VAV1: variants seen among roughly 807,000 people sequenced by gnomAD.
VAV1 encodes the protein vav guanine nucleotide exchange factor 1.
A neutral mutation model predicts 128.1 loss-of-function variants in VAV1; 33 were observed. The observed-to-expected ratio is 0.26, with a 90% confidence interval of 0.20 to 0.34. VAV1 has a LOEUF of 0.34. Ranked by LOEUF, VAV1 falls within the 10% of genes least tolerant of loss-of-function variation. VAV1 has a pLI of 1.00. For synonymous variants in VAV1, 394 were observed against 409.8 expected, an observed-to-expected ratio of 0.96 and a Z score of 0.47; for missense variants, 715 against 1,093.7, an observed-to-expected ratio of 0.65 and a Z score of 4.88.
chr19:6,829,987 A>G, intron 14 of VAV1, 69 bp downstream of exon 14: 1 of 1,603,878 alleles, frequency 6.2e-7, no homozygotes. Flanking sequence ...CCACTTGGGC[A>G]TGTGCCTGTT....
rs747230801 is a variant in VAV1 at position 6,848,134 on chromosome 19, C to G, written c.2129+20C>G. 6.5e-6 allele frequency: 10 copies of G among 1,533,542 alleles called. No individual in the cohort carries two copies. The allele number at this position is 1,533,542 out of a possible 1,614,324, so 95.0% of individuals were successfully genotyped here. On this transcript the variant is annotated intron_variant, in intron 23 of 26. Transcript: ENST00000602142. Reference sequence around the variant, plus strand: ...CATTAAGTAACTCCTTTCTCCCTGACTCATACCCTTTTGGGGCCTGGGCCC... The same window carrying G: ...CATTAAGTAACTCCTTTCTCCCTGAGTCATACCCTTTTGGGGCCTGGGCCC...
At chr19:6,855,861 TA>T in intron 26 of VAV1, among the ~76,000 whole-genome samples, 1 of 152,266 alleles carries the variant, frequency 6.6e-6, no homozygotes, top group African/African-American at 2.4e-5. Flanking sequence ...ATTATCTATC[TA>T]CCTATCTATC....
At chr19:6,791,245 A>G (rs1971010822) in intron 1 of VAV1, among the ~76,000 whole-genome samples, 1 of 152,040 alleles carries the variant, frequency 6.6e-6, no homozygotes, top group Non-Finnish European at 1.5e-5. Flanking sequence ...ATATCTCCTC[A>G]TCTCGAGGTC....
chr19:6,829,029 T>C (rs1971988879), intron 13 of VAV1, 129 bp downstream of exon 13: 1 of 1,051,956 alleles, frequency 9.5e-7, no homozygotes, highest in Admixed American at 2.3e-5. Context: ...GCCGGGCTTC[T>C]AGATGGACAG....
In VAV1 at chr19:6,840,303, CTT is replaced by C. The variant is rs34882027; in HGVS notation, c.1981-2816_1981-2815del. Among the ~76,000 whole-genome samples the C allele has an allele frequency of 3.3e-3, 412 of 124,070 alleles. 2 individuals carry two copies. The highest frequency in any genetic ancestry group is 5.0e-3 in the South Asian group (19 of 3,824). 81.4% of individuals were successfully genotyped at this position (124,070 alleles called of 152,430 possible). ...TGTGGAATGTGTCAGAATTTTCTTT[CTT>C]TTTTTTTTTTTTTTTGGTGAAATGG... On this transcript the variant is annotated intron_variant, in intron 21 of 26. Coordinates refer to ENST00000602142, the MANE Select transcript of VAV1 (RefSeq NM_005428.4).
chr19:6,828,777 T>C lies in VAV1; in HGVS notation c.1180-38T>C. 4 of 1,613,938 alleles carry C rather than the reference T, an allele frequency of 2.5e-6. No homozygotes were observed. The highest frequency in any genetic ancestry group is 3.4e-6 in the Non-Finnish European group (4 of 1,179,950). On this transcript the variant is annotated intron_variant, in intron 12 of 26. Coordinates refer to ENST00000602142, the MANE Select transcript of VAV1 (RefSeq NM_005428.4). The surrounding 1 kb of genome is among the most constrained non-coding windows in gnomAD (Gnocchi z 4.5). ...GGAGAGTGTGTGTCTGGCTCCTTTC[T>C]TGGGAGACCCTTGCTAGACCCCCTG...
At chr19:6,850,883 G>A (rs2144829304) in intron 24 of VAV1, 126 bp downstream of exon 24, 1 of 794,784 alleles carries the variant, frequency 1.3e-6, no homozygotes. Context: ...TACAGTGCAA[G>A]TGACCTTAAA....
chr19:6,797,762 A>C (rs963215450), intron 1 of VAV1, among the ~76,000 whole-genome samples: 1 of 150,806 alleles, frequency 6.6e-6, no homozygotes, highest in Middle Eastern at 3.5e-3. Context: ...AAAAAAAAAA[A>C]GAGTAGGAGC....
chr19:6,800,637 G>T (rs969313686), intron 1 of VAV1, among the ~76,000 whole-genome samples: 2 of 144,702 alleles, frequency 1.4e-5, no homozygotes, highest in Admixed American at 6.9e-5. Flanking sequence ...TTTGTTTTTT[G>T]TTTTTTTGAG....
chr19:6,802,023 A>G (rs1210473203), intron 1 of VAV1, among the ~76,000 whole-genome samples: 2 of 50,650 alleles, frequency 3.9e-5, no homozygotes, highest in African/African-American at 1.0e-4. Context: ...GCAGGGAGGA[A>G]CCGTCCTCAT....
chr19:6,843,173 A>G lies in VAV1; in HGVS notation c.2012+7A>G, dbSNP rs960259613. 1.2e-5 allele frequency: 19 copies of G among 1,613,980 alleles called. No homozygotes were observed. In the African/African-American group the frequency reaches 2.3e-4, roughly 19 times the overall value. On this transcript the variant is annotated splice_region_variant and intron_variant, in intron 22 of 26. Coordinates refer to ENST00000602142, the MANE Select transcript of VAV1 (RefSeq NM_005428.4). ...ACCTGTCTGTTCATCTCTGGTGAGT[A>G]GAAACATTTATTTTTGTTTCAATGA... is the stretch of plus-strand genomic sequence containing the variant.
At chr19:6,827,082 T>C in intron 9 of VAV1, 1 of 255,580 alleles carries the variant, frequency 3.9e-6, no homozygotes, top group Non-Finnish European at 7.9e-6. Context: ...CTGAACTTGA[T>C]CTTGAACTGA....
At chr19:6,837,505 G>C (rs1458222368) in intron 21 of VAV1, among the ~76,000 whole-genome samples, 3 of 151,850 alleles carry the variant, frequency 2.0e-5, no homozygotes, top group Non-Finnish European at 2.9e-5. Flanking sequence ...GATGACTTCA[G>C]ATCTCTCCCT....
chr19:6,836,833 G>GACACACACACAC (rs60215253), intron 20 of VAV1, 152 bp from the exon 21 acceptor site: 2 of 874,176 alleles, frequency 2.3e-6, no homozygotes, highest in African/African-American at 3.7e-5. Context: ...CAGAGAGATG[G>GACACACACACAC]ACACACACAC....
chr19:6,817,907 C>T (rs1050883041), intron 1 of VAV1, among the ~76,000 whole-genome samples: 10 of 152,054 alleles, frequency 6.6e-5, no homozygotes, highest in Admixed American at 1.3e-4. Context: ...AGGATGGTCT[C>T]GATCTCCTGA....
chr19:6,797,231 CAAAA>C (rs34227069), intron 1 of VAV1, among the ~76,000 whole-genome samples: 4,076 of 126,388 alleles, frequency 0.032, 190 homozygotes, highest in African/African-American at 0.11. Flanking sequence ...GACTCAGTAT[CAAAA>C]AAAAAAAAAA....
At chr19:6,841,388 G>A (rs962478292) in intron 21 of VAV1, among the ~76,000 whole-genome samples, 5 of 151,994 alleles carry the variant, frequency 3.3e-5, no homozygotes, top group African/African-American at 1.2e-4. Context: ...ATTCCTTTGG[G>A]TATATACTCA....
chr19:6,795,057 C>G (rs914852938), intron 1 of VAV1, among the ~76,000 whole-genome samples: 2 of 152,072 alleles, frequency 1.3e-5, no homozygotes, highest in Non-Finnish European at 2.9e-5. Context: ...GGAGAGAGAG[C>G]AAGTATTCCT....
chr19:6,844,655 C>G (rs1028332648), intron 22 of VAV1, among the ~76,000 whole-genome samples: 1 of 152,102 alleles, frequency 6.6e-6, no homozygotes, highest in Non-Finnish European at 1.5e-5. Flanking sequence ...TTGCCGAGGT[C>G]TTAGAACACG....
Sources: gnomAD v4.1 joint callset for allele counts (sites outside exome capture counted in the v4.1 genomes callset) on GRCh38, gnomAD v4.1.1 for gene constraint, Gnocchi (gnomAD v3.1) non-coding constraint, MANE v1.5 for transcripts, NCBI Gene and HGNC (gene_info 2026-07-23, HGNC 2026-07-21) for gene names.